Variants in LYRM7 observed in about 807,000 individuals in gnomAD.
The protein encoded by LYRM7 is complex III assembly factor LYRM7.
LYRM7 carries 9 observed loss-of-function variants against 15.8 expected under a neutral mutation model. That is an observed-to-expected ratio of 0.57 (90% CI 0.34 to 0.99). The LOEUF (loss-of-function observed/expected upper bound fraction) is 0.99. Among genes scored for constraint, LYRM7 ranks in the 50% least tolerant of loss-of-function variants. The pLI is 0.02. For synonymous variants in LYRM7, 39 were observed against 39.4 expected (o/e 0.99, Z 0.04); for missense variants, 115 against 119.1 (o/e 0.97, Z 0.16).
chr5:131,181,456 CATAT>C (rs199684946), intron 2 of LYRM7, among the ~76,000 whole-genome samples: 2 of 118,010 alleles, frequency 1.7e-5, no homozygotes, highest in African/African-American at 7.3e-5. Flanking sequence ...ATATATAAAA[CATAT>C]ATATGTATAT....
chr5:131,184,655 A>G (rs949725629), intron 3 of LYRM7, among the ~76,000 whole-genome samples: 1 of 146,388 alleles, frequency 6.8e-6, no homozygotes. Flanking sequence ...GGGGGGTTCC[A>G]GGATTCATGC....
chr5:131,187,032 T>A lies in LYRM7; in HGVS notation c.167T>A (p.Met56Lys). ...TTTGTTTGGTTTTCTTAACAGCTAA[T>A]GAAAATAGGTTCTGATGTTGAATTA... ...ETSSKKIEEL[M>K]KIGSDVELLL... The change falls in exon 4 of 5, where the codon ATG becomes AAG. Residue 56 changes from methionine to lysine, a missense_variant. Coordinates refer to ENST00000379380, the MANE Select transcript of LYRM7 (RefSeq NM_181705.4). 6.5e-7 allele frequency: 1 copy of A among 1,538,220 alleles called. No individual in the cohort carries two copies. Among genetic ancestry groups the A allele is most frequent in the African/African-American group, 1.4e-5 (1 of 73,436 alleles).
rs1157286475 is a variant in LYRM7, at chr5:131,180,110, A to G, written c.34A>G (p.Lys12Glu). 2.5e-6 allele frequency: 4 copies of G among 1,612,396 alleles called. No homozygotes were observed. Among genetic ancestry groups the G allele is most frequent in the Non-Finnish European group, 3.4e-6 (4 of 1,178,732 alleles). ...GRAVKVLQLFKTLHRTRQQVF... is the reference protein window; with the variant it reads ...GRAVKVLQLFETLHRTRQQVF... ...TTCTTAACAGGTTTTACAGCTCTTTAAAACACTGCACAGGACCAGACAACA... is the reference window on the plus strand; with the variant it reads ...TTCTTAACAGGTTTTACAGCTCTTTGAAACACTGCACAGGACCAGACAACA... Residue 12 changes from lysine (K) to glutamate (E), a missense_variant, in exon 2 of 5, where the codon AAA (lysine) becomes GAA (glutamate). By Grantham distance (56) the Lys-to-Glu change is moderately conservative. Coordinates refer to ENST00000379380, the MANE Select transcript of LYRM7 (RefSeq NM_181705.4).
At chr5:131,182,341 T>G in intron 3 of LYRM7, 42 bp downstream of exon 3, 1 of 1,308,724 alleles carries the variant, frequency 7.6e-7, no homozygotes, top group Non-Finnish European at 1.0e-6. Context: ...TATACAATTA[T>G]CTTGTCAAAG....
At position 131,176,520 on chromosome 5, in the gene LYRM7, GT is replaced by G. The variant is rs60566113; in HGVS notation, c.19-3562del. Among the ~76,000 whole-genome samples, 1,270 of 140,700 alleles carry G rather than the reference GT, an allele frequency of 9.0e-3. 16 individuals are homozygous for G. The highest frequency in any genetic ancestry group is 0.027 in the African/African-American group (1,082 of 39,868). The allele number at this position is 140,700 out of a possible 152,430, so 92.3% of individuals were successfully genotyped here. A position where few individuals can be genotyped will look rare whatever the true frequency, so the allele number is the denominator to read the frequency against. ...TTTATGGCTTATTGGCCATTTATGG[GT>G]TTTTTTTTTTTTGGAAGAAATATCT... On this transcript the variant is annotated intron_variant, in intron 1 of 4. Transcript: ENST00000379380.
At chr5:131,192,950 G>A (rs986009985) in intron 4 of LYRM7, among the ~76,000 whole-genome samples, 1 of 151,882 alleles carries the variant, frequency 6.6e-6, no homozygotes. Flanking sequence ...ATTTTCATTC[G>A]TACAAATTTA....
intron 4 of LYRM7, among the ~76,000 whole-genome samples, chr5:131,198,568 ATT>A (rs111644184): frequency 1.4e-5 from 2 of 147,704 alleles, no homozygotes; most frequent in Non-Finnish European, 3.0e-5. Context: ...AAAATTTGGA[ATT>A]TTTTTTTTTT....
intron 3 of LYRM7, among the ~76,000 whole-genome samples, chr5:131,186,002 C>A (rs1755789849): frequency 6.6e-6 from 1 of 152,186 alleles, no homozygotes; most frequent in South Asian, 2.1e-4. Context: ...TCTAAATAAT[C>A]TTAATTTGTC....
intron 4 of LYRM7, among the ~76,000 whole-genome samples, chr5:131,199,311 G>A (rs1037794003): frequency 6.6e-6 from 1 of 151,908 alleles, no homozygotes; most frequent in Non-Finnish European, 1.5e-5. Flanking sequence ...AGGGTTAAGT[G>A]GATCATATAT....
intron 4 of LYRM7, among the ~76,000 whole-genome samples, chr5:131,187,521 G>A (rs1755817252): frequency 6.7e-6 from 1 of 150,024 alleles, no homozygotes; most frequent in African/African-American, 2.5e-5. Flanking sequence ...GTCTCACTCT[G>A]TCGCCCAGGC....
At chr5:131,171,763 C>A (rs552452501) in intron 1 of LYRM7, 2 of 152,228 alleles carry the variant, frequency 1.3e-5, no homozygotes, top group South Asian at 4.1e-4. Context: ...AAATAGCCTG[C>A]TATAATATGG....
intron 4 of LYRM7, among the ~76,000 whole-genome samples, chr5:131,192,384 A>G (rs1183569632): frequency 6.6e-6 from 1 of 152,152 alleles, no homozygotes; most frequent in East Asian, 1.9e-4. Context: ...TATAATTAAC[A>G]ATTTATTGTA....
intron 4 of LYRM7, among the ~76,000 whole-genome samples, chr5:131,196,306 C>T (rs186653274): frequency 4.0e-5 from 6 of 151,794 alleles, no homozygotes; most frequent in Admixed American, 2.6e-4. Flanking sequence ...TGTGAACCAC[C>T]GTGCTTGGCT....
Position 131,202,605 on chromosome 5 carries a change from G to T in LYRM7, c.*3004G>T. The T allele has an allele frequency of 1.3e-5, 2 of 152,892 alleles. No homozygotes were observed. The highest frequency in any genetic ancestry group is 3.7e-4 in the South Asian group (2 of 5,368). The allele number at this position is 152,892 out of a possible 1,614,324, so 9.5% of individuals were successfully genotyped here. On this transcript the variant is annotated 3_prime_UTR_variant, in exon 5 of 5. Coordinates refer to ENST00000379380, the MANE Select transcript of LYRM7 (RefSeq NM_181705.4). The stretch of plus-strand genomic sequence containing the variant: ...TAGCACACTGCAGCCTAGAATTTCT[G>T]ACCTCAAGCAATCATCCTGCCTCAG...
At chr5:131,196,346 T>C (rs1045057904) in intron 4 of LYRM7, among the ~76,000 whole-genome samples, 1 of 152,052 alleles carries the variant, frequency 6.6e-6, no homozygotes, top group East Asian at 1.9e-4. Context: ...AACTGAGAAA[T>C]TGTGTTCAGG....
At chr5:131,192,960 A>G (rs1755908689) in intron 4 of LYRM7, among the ~76,000 whole-genome samples, 1 of 152,062 alleles carries the variant, frequency 6.6e-6, no homozygotes, top group Non-Finnish European at 1.5e-5. Flanking sequence ...GTACAAATTT[A>G]TGATAAAGAT....
chr5:131,177,789 T>C (rs1318186938), intron 1 of LYRM7, among the ~76,000 whole-genome samples: 1 of 152,196 alleles, frequency 6.6e-6, no homozygotes. Context: ...AAATATTAAG[T>C]GAAAATTTTA....
intron 4 of LYRM7, among the ~76,000 whole-genome samples, chr5:131,193,859 A>C (rs538144786): frequency 2.0e-5 from 3 of 152,206 alleles, no homozygotes; most frequent in African/African-American, 7.2e-5. Flanking sequence ...AAAATACAAA[A>C]TTAGCCGGGC....
At chr5:131,186,291 C>A (rs1755793981) in intron 3 of LYRM7, among the ~76,000 whole-genome samples, 1 of 152,020 alleles carries the variant, frequency 6.6e-6, no homozygotes, top group African/African-American at 2.4e-5. Context: ...AACTGCCCTC[C>A]CAAAAATGTG....
Sources: allele counts gnomAD v4.1 joint callset (sites outside exome capture counted in the v4.1 genomes callset), GRCh38; gene constraint gnomAD v4.1.1; transcripts MANE v1.5; gene names NCBI Gene and HGNC (gene_info 2026-07-23, HGNC 2026-07-21).